The following KLHDC10 variants were observed in gnomAD, a reference collection of about 807,000 sequenced individuals.
KLHDC10 encodes kelch domain-containing protein 10.
KLHDC10 carries 24 observed loss-of-function variants against 56.1 expected under a neutral mutation model. The ratio of observed to expected loss-of-function variants is 0.43; its 90% CI spans 0.31 to 0.60. The LOEUF is 0.60. KLHDC10 is among the 20% of genes least tolerant of loss of function. The probability of loss-of-function intolerance (pLI) is 0.11; values close to 1 mark genes in which losing one functional copy is unlikely to be tolerated. For missense variants in KLHDC10, 349 were observed against 567.0 expected (o/e 0.62, Z 3.91); for synonymous variants, 188 against 207.1 (o/e 0.91, Z 0.79).
chr7:130,102,700 C>T (rs1428464080), intron 2 of KLHDC10, among the ~76,000 whole-genome samples: 1 of 152,084 alleles, frequency 6.6e-6, no homozygotes, highest in Non-Finnish European at 1.5e-5. Context: ...GTGGCAGCCG[C>T]CTGTAATCCT....
chr7:130,101,969 TAAAAAA>T (rs10579051), intron 2 of KLHDC10, among the ~76,000 whole-genome samples: 2 of 73,728 alleles, frequency 2.7e-5, no homozygotes, highest in African/African-American at 1.1e-4. Flanking sequence ...GACTCCCTCT[TAAAAAA>T]AAAAAAAAAA....
At chr7:130,100,600 A>T (rs1795916318) in intron 2 of KLHDC10, among the ~76,000 whole-genome samples, 3 of 152,238 alleles carry the variant, frequency 2.0e-5, no homozygotes, top group Admixed American at 2.0e-4. Context: ...TGAACTAATG[A>T]ATTGTTGAGA....
rs1796446714 is a variant in KLHDC10 at position 130,134,855 on chromosome 7, C to T, written c.*4109C>T. ...CTGTTAGCTGAAATTGCTTTGGTTC[C>T]CCAAATGCCTTGGAACTCCAGACGC... On this transcript the variant is annotated 3_prime_UTR_variant, in exon 10 of 10. Coordinates refer to ENST00000335420, the MANE Select transcript of KLHDC10 (RefSeq NM_014997.4). The T allele has an allele frequency of 6.6e-6, 1 of 151,910 alleles. No individual in the cohort carries two copies. The highest frequency in any genetic ancestry group is 2.4e-5 in the African/African-American group (1 of 41,330). 9.4% of individuals were successfully genotyped at this position (151,910 alleles called of 1,614,324 possible). A position where few individuals can be genotyped will look rare whatever the true frequency, so the allele number is the denominator to read the frequency against.
At chr7:130,091,248 A>G (rs1277349138) in intron 1 of KLHDC10, among the ~76,000 whole-genome samples, 3 of 152,192 alleles carry the variant, frequency 2.0e-5, no homozygotes, top group Admixed American at 1.3e-4. Flanking sequence ...TTAGTTTTGT[A>G]GGAAACTGCC....
Position 130,131,420 on chromosome 7 carries a change from G to A in KLHDC10, c.*674G>A, listed in dbSNP as rs536465669. ...TTCTCATCCTCATGGTGCCAGCAGT[G>A]GTTAGAGTTGGTTTGTCAAAAGACT... On this transcript the variant is annotated 3_prime_UTR_variant, in exon 10 of 10. Transcript: ENST00000335420. 1 of 152,338 alleles carries A rather than the reference G, an allele frequency of 6.6e-6. No homozygotes were observed. The highest frequency in any genetic ancestry group is 6.5e-5 in the Admixed American group (1 of 15,294). 9.4% of individuals were successfully genotyped at this position (152,338 alleles called of 1,614,324 possible).
intron 2 of KLHDC10, among the ~76,000 whole-genome samples, chr7:130,100,139 C>T (rs1465286132): frequency 6.6e-6 from 1 of 150,772 alleles, no homozygotes; most frequent in Non-Finnish European, 1.5e-5. Context: ...ATTGATTTGA[C>T]ATATAAGGAA....
rs866991071 is a variant in KLHDC10 at position 130,077,594 on chromosome 7, C to G, written c.166+6785C>G. On this transcript the variant is annotated intron_variant, in intron 1 of 9. Transcript: ENST00000335420. ...TTTTTGAGACGGAGTCTTGCTCTGT[C>G]GCCCAGGCTGGAGTGCAGTGGCACC... is the stretch of plus-strand genomic sequence containing the variant. Among the ~76,000 whole-genome samples the G allele has an allele frequency of 5.9e-5, 7 of 119,488 alleles. 1 individual carries two copies. Among genetic ancestry groups the G allele is most frequent in the Middle Eastern group, 0.016 (2 of 128 alleles). 78.4% of individuals were successfully genotyped at this position (119,488 alleles called of 152,430 possible).
chr7:130,118,009 C>G (rs1796193997), intron 3 of KLHDC10, among the ~76,000 whole-genome samples: 1 of 151,592 alleles, frequency 6.6e-6, no homozygotes, highest in African/African-American at 2.4e-5. Context: ...ACAAAAAACA[C>G]ACACACAAAA....
chr7:130,125,640 G>A lies in KLHDC10; in HGVS notation c.865-225G>A, dbSNP rs1584640316. The stretch of plus-strand genomic sequence containing the variant: ...TGTATTTGGAAAGATCAGAAAAAAA[G>A]CAAAAGAAAAGAAAGACTTTTCAAC... On this transcript the variant is annotated intron_variant, in intron 6 of 9. Coordinates refer to ENST00000335420, the MANE Select transcript of KLHDC10 (RefSeq NM_014997.4). Among the ~76,000 whole-genome samples, 4 of 152,260 alleles carry A rather than the reference G, an allele frequency of 2.6e-5. No homozygotes were observed. The South Asian group carries it at 8.3e-4, about 32-fold the overall frequency.
intron 1 of KLHDC10, among the ~76,000 whole-genome samples, chr7:130,093,825 G>A (rs1795812701): frequency 6.6e-6 from 1 of 152,132 alleles, no homozygotes; most frequent in Admixed American, 6.5e-5. Context: ...ACAGACTTAT[G>A]CTGGTTGCTG....
intron 2 of KLHDC10, among the ~76,000 whole-genome samples, chr7:130,104,768 T>C (rs189080295): frequency 1.3e-5 from 2 of 152,242 alleles, no homozygotes; most frequent in Admixed American, 1.3e-4. Context: ...GGAGGTGCTA[T>C]GCACTTTTAA....
intron 1 of KLHDC10, among the ~76,000 whole-genome samples, chr7:130,096,407 TG>T (rs1186369327): frequency 6.6e-6 from 1 of 152,194 alleles, no homozygotes; most frequent in African/African-American, 2.4e-5. Flanking sequence ...TTGTTTAATT[TG>T]GTTGCTGTTT....
chr7:130,073,218 AAACAAC>A (rs921106790), intron 1 of KLHDC10, among the ~76,000 whole-genome samples: 14 of 152,188 alleles, frequency 9.2e-5, no homozygotes, highest in Admixed American at 2.6e-4. Context: ...AAAAATTAAA[AAACAAC>A]AACAACAACA....
intron 1 of KLHDC10, among the ~76,000 whole-genome samples, chr7:130,079,043 G>T (rs1448649590): frequency 6.6e-5 from 10 of 151,504 alleles, no homozygotes; most frequent in Admixed American, 6.6e-4. Flanking sequence ...TAAAGTTTTT[G>T]TTTTGTTTTG....
chr7:130,084,399 G>C (rs1218919309), intron 1 of KLHDC10, among the ~76,000 whole-genome samples: 2 of 152,210 alleles, frequency 1.3e-5, no homozygotes, highest in African/African-American at 4.8e-5. Flanking sequence ...GTGGTTGGAA[G>C]TGGTTGAATA....
At chr7:130,108,048 A>G (rs527938227) in intron 2 of KLHDC10, among the ~76,000 whole-genome samples, 217 of 144,164 alleles carry the variant, frequency 1.5e-3, no homozygotes, top group African/African-American at 5.1e-3. Context: ...CTTCCCCGGG[A>G]AAAAAAAAAC....
intron 5 of KLHDC10, 50 bp from the exon 6 acceptor site, chr7:130,124,397 TTAGA>T (rs151188067): frequency 1.2e-4 from 128 of 1,051,090 alleles, no homozygotes; most frequent in Middle Eastern, 2.6e-4. Flanking sequence ...TAGCTAAATC[TTAGA>T]TAGGTCATTT....
chr7:130,089,005 A>G (rs1204921902), intron 1 of KLHDC10, among the ~76,000 whole-genome samples: 2 of 152,102 alleles, frequency 1.3e-5, no homozygotes, highest in African/African-American at 4.8e-5. Flanking sequence ...AAGAAAAACA[A>G]TCTCTGGCTA....
chr7:130,104,808 A>G (rs1467178553), intron 2 of KLHDC10, among the ~76,000 whole-genome samples: 2 of 152,182 alleles, frequency 1.3e-5, no homozygotes, highest in East Asian at 1.9e-4. Flanking sequence ...ACTCATCACT[A>G]TACAGTACCA....
Sources: allele counts gnomAD v4.1 joint callset (sites outside exome capture counted in the v4.1 genomes callset), GRCh38; gene constraint gnomAD v4.1.1; transcripts MANE v1.5; gene names NCBI Gene and HGNC (gene_info 2026-07-23, HGNC 2026-07-21).